NAALADL2: variants seen among roughly 807,000 people sequenced by gnomAD.
NAALADL2 encodes the protein N-acetylated alpha-linked acidic dipeptidase like 2, also known as inactive N-acetylated-alpha-linked acidic dipeptidase-like protein 2.
A neutral mutation model predicts 87.2 loss-of-function variants in NAALADL2; 76 were observed. That is an observed-to-expected ratio of 0.87 (90% CI 0.72 to 1.05). NAALADL2 has a LOEUF of 1.05. Among genes scored for constraint, NAALADL2 ranks in the 50% least tolerant of loss-of-function variants. NAALADL2 has a pLI of 0.00. For missense variants in NAALADL2, 1,089 were observed against 945.8 expected, an observed-to-expected ratio of 1.15 and a Z score of -1.99; for synonymous variants, 354 against 331.0, an observed-to-expected ratio of 1.07 and a Z score of -0.75.
chr3:174,731,932 T>C (rs1282635100), intron 2 of NAALADL2, among the ~76,000 whole-genome samples: 15 of 152,128 alleles, frequency 9.9e-5, no homozygotes, highest in Non-Finnish European at 1.5e-5. Context: ...TTTAGGTTTG[T>C]GGGCCAAATG....
intron 3 of NAALADL2, among the ~76,000 whole-genome samples, chr3:174,852,811 T>C (rs1725403697): frequency 6.6e-6 from 1 of 152,006 alleles, no homozygotes; most frequent in Admixed American, 6.6e-5. Context: ...TTACTTCAAA[T>C]TATACTATAA....
chr3:175,657,746 A>G (rs1455870426), intron 11 of NAALADL2, among the ~76,000 whole-genome samples: 1 of 145,848 alleles, frequency 6.9e-6, no homozygotes, highest in African/African-American at 2.7e-5. Flanking sequence ...ACGCCCGGCT[A>G]ATTTTTTTGT....
intron 5 of NAALADL2, among the ~76,000 whole-genome samples, chr3:175,374,449 G>A (rs1485640799): frequency 2.7e-5 from 4 of 146,348 alleles, no homozygotes; most frequent in African/African-American, 7.6e-5. Flanking sequence ...AGCTACTCAG[G>A]AGGCTGAGGT....
intron 1 of NAALADL2, among the ~76,000 whole-genome samples, chr3:174,466,566 G>T (rs1257840646): frequency 4.6e-5 from 7 of 152,164 alleles, no homozygotes; most frequent in Admixed American, 4.6e-4. Flanking sequence ...CATGTTGTTT[G>T]ATAGTACTGT....
chr3:175,135,305 G>C (rs1413467567), intron 2 of NAALADL2, among the ~76,000 whole-genome samples: 2 of 152,118 alleles, frequency 1.3e-5, no homozygotes, highest in African/African-American at 4.8e-5. Context: ...GCCAAGAAAA[G>C]TGATAATTCA....
intron 5 of NAALADL2, among the ~76,000 whole-genome samples, chr3:175,390,165 A>G (rs1181432139): frequency 6.6e-6 from 1 of 152,128 alleles, no homozygotes; most frequent in East Asian, 1.9e-4. Flanking sequence ...AAAAGTGTTC[A>G]GGTAATGCTG....
At chr3:174,951,173 T>C (rs1427635022) in intron 1 of NAALADL2, among the ~76,000 whole-genome samples, 2 of 151,636 alleles carry the variant, frequency 1.3e-5, no homozygotes, top group Non-Finnish European at 1.5e-5. Context: ...AAGTATTCCA[T>C]ACTTCATATT....
chr3:175,662,116 C>T (rs769000438), intron 11 of NAALADL2, among the ~76,000 whole-genome samples: 4 of 151,882 alleles, frequency 2.6e-5, no homozygotes, highest in Non-Finnish European at 4.4e-5. Flanking sequence ...CAATTTCCCA[C>T]GAACATCAGA....
chr3:175,299,909 T>C (rs188951975), intron 4 of NAALADL2, among the ~76,000 whole-genome samples: 4 of 152,328 alleles, frequency 2.6e-5, no homozygotes, highest in African/African-American at 9.6e-5. Flanking sequence ...TTCATTATGA[T>C]ATTGGCTGTG....
At chr3:174,887,258 A>G (rs554325288) in intron 1 of NAALADL2, among the ~76,000 whole-genome samples, 4 of 141,694 alleles carry the variant, frequency 2.8e-5, no homozygotes, top group South Asian at 2.2e-4. Flanking sequence ...TGTAATTTAG[A>G]TGATCTTTGT....
intron 2 of NAALADL2, among the ~76,000 whole-genome samples, chr3:175,110,762 T>C (rs1385348719): frequency 2.0e-5 from 3 of 151,742 alleles, no homozygotes; most frequent in Admixed American, 6.6e-5. Flanking sequence ...TTGCGGAAAA[T>C]GTCACTTAGA....
intron 11 of NAALADL2, among the ~76,000 whole-genome samples, chr3:175,670,869 C>G (rs961045889): frequency 2.0e-5 from 3 of 151,084 alleles, no homozygotes; most frequent in Admixed American, 2.0e-4. Flanking sequence ...AAATTCAACT[C>G]AAACGAAAAA....
rs1204608589 is a variant in NAALADL2, at chr3:175,716,239, G to T, written c.1897-21067G>T. ...TATATGTATATAATATATAATATTG[G>T]AATACATATATAATATATGTATATA... On this transcript the variant is annotated intron_variant, in intron 11 of 13. Transcript: ENST00000454872. Among the ~76,000 whole-genome samples the T allele has an allele frequency of 9.9e-5, 14 of 141,122 alleles. 1 individual carries two copies. The highest frequency in any genetic ancestry group is 3.7e-4 in the African/African-American group (14 of 37,874). The allele number at this position is 141,122 out of a possible 152,430, so 92.6% of individuals were successfully genotyped here.
At chr3:174,639,848 ATAT>A (rs1229471642) in intron 2 of NAALADL2, among the ~76,000 whole-genome samples, 1 of 152,228 alleles carries the variant, frequency 6.6e-6, no homozygotes, top group Non-Finnish European at 1.5e-5. Flanking sequence ...TGGGATATAA[ATAT>A]TATAATAATT....
intron 2 of NAALADL2, among the ~76,000 whole-genome samples, chr3:175,148,630 G>A (rs372518787): frequency 1.3e-5 from 2 of 152,078 alleles, no homozygotes; most frequent in Admixed American, 1.3e-4. Context: ...TATGATGAAA[G>A]GTAGGGGTCC....
chr3:174,899,147 A>C (rs1731995394), intron 1 of NAALADL2, among the ~76,000 whole-genome samples: 1 of 152,222 alleles, frequency 6.6e-6, no homozygotes, highest in Admixed American at 6.5e-5. Context: ...CATTACATAC[A>C]AAGTGCAAGA....
intron 10 of NAALADL2, among the ~76,000 whole-genome samples, chr3:175,611,678 T>C (rs1288078094): frequency 3.3e-5 from 5 of 152,150 alleles, no homozygotes; most frequent in African/African-American, 1.2e-4. Flanking sequence ...GGAAAGATGC[T>C]ATCAGAAATC....
chr3:175,309,884 A>G (rs1312802538), intron 4 of NAALADL2, among the ~76,000 whole-genome samples: 1 of 152,142 alleles, frequency 6.6e-6, no homozygotes. Flanking sequence ...TTATGAATGA[A>G]CTTCAGAGCT....
At chr3:175,392,406 A>C (rs1424053454) in intron 5 of NAALADL2, among the ~76,000 whole-genome samples, 2 of 152,202 alleles carry the variant, frequency 1.3e-5, no homozygotes, top group East Asian at 1.9e-4. Context: ...CTAAATTCAG[A>C]AGACAAATCT....
Sources: allele counts gnomAD v4.1 joint callset (sites outside exome capture counted in the v4.1 genomes callset), GRCh38; gene constraint gnomAD v4.1.1; transcripts MANE v1.5; gene names NCBI Gene and HGNC (gene_info 2026-07-23, HGNC 2026-07-21).